DNER: variants seen among roughly 807,000 people sequenced by gnomAD.
DNER encodes delta/notch like EGF repeat containing, also known as delta and Notch-like epidermal growth factor-related receptor.
A neutral mutation model predicts 78.2 loss-of-function variants in DNER; 33 were observed. That is an observed-to-expected ratio of 0.42 (90% CI 0.32 to 0.56). DNER has a LOEUF of 0.56. DNER is among the 20% of genes least tolerant of loss of function. The pLI, the probability that DNER is intolerant of heterozygous loss-of-function variation, is 0.11. For synonymous variants in DNER, 417 were observed against 384.8 expected (o/e 1.08, Z -0.98); for missense variants, 918 against 975.3 (o/e 0.94, Z 0.78).
chr2:229,557,300 C>T (rs7570383), intron 4 of DNER, among the ~76,000 whole-genome samples: 2,190 of 152,308 alleles, frequency 0.014, 53 homozygotes, highest in African/African-American at 0.05. Context: ...CACTTTTTCT[C>T]TTCCTTAATG....
intron 4 of DNER, among the ~76,000 whole-genome samples, chr2:229,563,518 T>TCCCATCACCATCATCGTCATCAC (rs1331015750): frequency 4.6e-5 from 4 of 86,620 alleles, no homozygotes; most frequent in African/African-American, 2.4e-4. Flanking sequence ...AACATCATCA[T>TCCCATCACCATCATCGTCATCAC]CCCATCACCA....
chr2:229,708,770 G>A (rs1331696040), intron 1 of DNER, among the ~76,000 whole-genome samples: 1 of 152,188 alleles, frequency 6.6e-6, no homozygotes, highest in East Asian at 1.9e-4. Flanking sequence ...TTTTTGTGAG[G>A]TGGCCAAGCT....
chr2:229,373,837 G>C (rs1692542743), intron 11 of DNER, among the ~76,000 whole-genome samples: 1 of 152,162 alleles, frequency 6.6e-6, no homozygotes, highest in African/African-American at 2.4e-5. Context: ...ATTAACATAG[G>C]AGCAGAAAAA....
intron 6 of DNER, among the ~76,000 whole-genome samples, chr2:229,498,284 G>A (rs894417501): frequency 2.0e-4 from 30 of 152,136 alleles, no homozygotes; most frequent in African/African-American, 4.1e-4. Context: ...AGCTCAACAC[G>A]ATAAAGGCCA....
chr2:229,589,089 G>T (rs1697554103), intron 2 of DNER, among the ~76,000 whole-genome samples: 2 of 152,114 alleles, frequency 1.3e-5, no homozygotes, highest in South Asian at 4.1e-4. Context: ...TTTTAAAAAG[G>T]AGATCAATTG....
intron 4 of DNER, among the ~76,000 whole-genome samples, chr2:229,576,517 G>A (rs1452409305): frequency 3.3e-5 from 5 of 152,158 alleles, no homozygotes; most frequent in Non-Finnish European, 5.9e-5. Flanking sequence ...TTTTACATAG[G>A]AACAAAATTT....
At chr2:229,462,253 CTA>C (rs1160907124) in intron 7 of DNER, among the ~76,000 whole-genome samples, 1 of 152,028 alleles carries the variant, frequency 6.6e-6, no homozygotes, top group Non-Finnish European at 1.5e-5. Context: ...TGAAGTCACT[CTA>C]TGTATTGTCA....
At chr2:229,453,958 A>G (rs1269746139) in intron 7 of DNER, among the ~76,000 whole-genome samples, 1 of 150,424 alleles carries the variant, frequency 6.6e-6, no homozygotes, top group African/African-American at 2.4e-5. Context: ...AAGAGAAACC[A>G]GGAGAGAAAG....
intron 1 of DNER, among the ~76,000 whole-genome samples, chr2:229,622,509 C>G (rs982287266): frequency 1.3e-5 from 2 of 152,176 alleles, no homozygotes; most frequent in African/African-American, 4.8e-5. Flanking sequence ...CCCCCTCAGC[C>G]TGAGTCAGCA....
At chr2:229,416,719 T>A (rs1489409730) in intron 9 of DNER, among the ~76,000 whole-genome samples, 3 of 152,222 alleles carry the variant, frequency 2.0e-5, no homozygotes, top group Non-Finnish European at 4.4e-5. Flanking sequence ...TCATCCCCTG[T>A]TCTTGTGGTT....
chr2:229,643,193 G>T (rs1305430273), intron 1 of DNER, among the ~76,000 whole-genome samples: 1 of 152,046 alleles, frequency 6.6e-6, no homozygotes, highest in Non-Finnish European at 1.5e-5. Flanking sequence ...CTCCAGCCTG[G>T]GTGAGAGAGT....
At chr2:229,625,828 G>C (rs990015292) in intron 1 of DNER, among the ~76,000 whole-genome samples, 5 of 152,136 alleles carry the variant, frequency 3.3e-5, no homozygotes, top group Admixed American at 3.3e-4. Context: ...ACTGGAGGGA[G>C]AGTTGAAAGA....
chr2:229,713,581 G>A (rs1460989145), intron 1 of DNER, among the ~76,000 whole-genome samples: 1 of 152,254 alleles, frequency 6.6e-6, no homozygotes, highest in Non-Finnish European at 1.5e-5. Flanking sequence ...GCCGAGGGGA[G>A]GCAGCTGCCC....
chr2:229,366,750 G>A, intron 12 of DNER, 123 bp downstream of exon 12: 1 of 1,437,950 alleles, frequency 7.0e-7, no homozygotes, highest in Non-Finnish European at 9.4e-7. Context: ...ATACAATGTG[G>A]AACCTATTTT....
chr2:229,457,198 T>C (rs1694593847), intron 7 of DNER, among the ~76,000 whole-genome samples: 2 of 151,948 alleles, frequency 1.3e-5, no homozygotes, highest in Non-Finnish European at 2.9e-5. Flanking sequence ...ATAGAAACAA[T>C]AATAGGTGGA....
At chr2:229,647,075 G>A (rs894128471) in intron 1 of DNER, among the ~76,000 whole-genome samples, 2 of 152,216 alleles carry the variant, frequency 1.3e-5, no homozygotes, top group African/African-American at 4.8e-5. Context: ...GCTGAGGCAG[G>A]AGAATCGCTT....
At chr2:229,705,823 G>T (rs1226831877) in intron 1 of DNER, among the ~76,000 whole-genome samples, 1 of 152,164 alleles carries the variant, frequency 6.6e-6, no homozygotes, top group Non-Finnish European at 1.5e-5. Context: ...AGGAAACGGG[G>T]TTTAGGAAAG....
At chr2:229,401,651 T>G (rs974215141) in intron 10 of DNER, among the ~76,000 whole-genome samples, 2 of 152,136 alleles carry the variant, frequency 1.3e-5, no homozygotes, top group African/African-American at 4.8e-5. Context: ...ACTAGTGGTT[T>G]CCAGGAATTA....
At chr2:229,579,944 G>A (rs566360134) in intron 4 of DNER, among the ~76,000 whole-genome samples, 24 of 152,192 alleles carry the variant, frequency 1.6e-4, no homozygotes, top group African/African-American at 4.8e-4. Flanking sequence ...CACCAGGACA[G>A]TCTTACTACT....
Sources: gnomAD v4.1 joint callset for allele counts (sites outside exome capture counted in the v4.1 genomes callset) on GRCh38, gnomAD v4.1.1 for gene constraint, MANE v1.5 for transcripts, NCBI Gene and HGNC (gene_info 2026-07-23, HGNC 2026-07-21) for gene names.